Variants in MDGA2 observed in about 807,000 individuals in gnomAD.
The protein encoded by MDGA2 is MAM domain-containing glycosylphosphatidylinositol anchor protein 2.
In MDGA2, 40 loss-of-function variants were observed where a neutral mutation model predicts 117.8. That is an observed-to-expected ratio of 0.34 (90% CI 0.26 to 0.44). The LOEUF is 0.44. MDGA2 is among the 20% of genes least tolerant of loss of function. The probability of loss-of-function intolerance (pLI) is 1.00; values close to 1 mark genes in which losing one functional copy is unlikely to be tolerated. For missense variants in MDGA2, 1,123 were observed against 1,250.6 expected, an observed-to-expected ratio of 0.90 and a Z score of 1.54; for synonymous variants, 452 against 439.0, an observed-to-expected ratio of 1.03 and a Z score of -0.37.
intron 15 of MDGA2, among the ~76,000 whole-genome samples, chr14:46,853,617 G>C (rs1881148438): frequency 6.6e-6 from 1 of 150,392 alleles, no homozygotes; most frequent in Non-Finnish European, 1.5e-5. Flanking sequence ...TATCTGAAAA[G>C]TTCTAAAAAA....
chr14:46,900,082 G>A (rs991603144), intron 10 of MDGA2, among the ~76,000 whole-genome samples: 1 of 151,982 alleles, frequency 6.6e-6, no homozygotes, highest in African/African-American at 2.4e-5. Context: ...ACATTTCTCT[G>A]AAGAAGATAT....
intron 1 of MDGA2, among the ~76,000 whole-genome samples, chr14:47,527,804 C>T (rs778883107): frequency 1.3e-5 from 2 of 151,984 alleles, no homozygotes; most frequent in East Asian, 1.9e-4. Context: ...AGAGGTTAAG[C>T]GGAAATGAGA....
chr14:47,172,140 C>A (rs1370250916), intron 3 of MDGA2, among the ~76,000 whole-genome samples: 2 of 152,286 alleles, frequency 1.3e-5, no homozygotes, highest in African/African-American at 4.8e-5. Context: ...ACAAAGCAGC[C>A]AGGAAGCTCC....
intron 8 of MDGA2, among the ~76,000 whole-genome samples, chr14:46,986,147 G>GT (rs11419291): frequency 0.039 from 5,896 of 152,048 alleles, 381 homozygotes; most frequent in African/African-American, 0.14. Flanking sequence ...ACAGACCACT[G>GT]TTTTTTTGCT....
chr14:47,097,349 G>C (rs1021618870), intron 5 of MDGA2, among the ~76,000 whole-genome samples: 1 of 151,812 alleles, frequency 6.6e-6, no homozygotes, highest in African/African-American at 2.4e-5. Context: ...CATAGAAAGG[G>C]GAAATAAAAT....
chr14:47,618,409 C>T (rs1896986271), intron 1 of MDGA2, among the ~76,000 whole-genome samples: 1 of 152,128 alleles, frequency 6.6e-6, no homozygotes, highest in Admixed American at 6.5e-5. Context: ...TTATCAAAAG[C>T]CTACCTGTCC....
At chr14:46,956,201 T>A (rs1381705660) in intron 9 of MDGA2, among the ~76,000 whole-genome samples, 1 of 152,134 alleles carries the variant, frequency 6.6e-6, no homozygotes, top group Non-Finnish European at 1.5e-5. Context: ...TTTTATGACT[T>A]CTTTTTAGAT....
At chr14:47,352,349 A>G (rs1281950255) in intron 1 of MDGA2, among the ~76,000 whole-genome samples, 1 of 152,118 alleles carries the variant, frequency 6.6e-6, no homozygotes, top group East Asian at 1.9e-4. Flanking sequence ...CTTCCACAAA[A>G]TAACAACTGC....
chr14:47,133,186 C>G (rs1053046482), intron 4 of MDGA2, among the ~76,000 whole-genome samples: 6 of 150,994 alleles, frequency 4.0e-5, no homozygotes, highest in African/African-American at 7.3e-5. Flanking sequence ...TTTTAACTTA[C>G]AAGAAAATAT....
At chr14:47,448,337 A>C (rs776736203) in intron 1 of MDGA2, among the ~76,000 whole-genome samples, 3 of 151,774 alleles carry the variant, frequency 2.0e-5, no homozygotes, top group Non-Finnish European at 4.4e-5. Flanking sequence ...CAGGGTTTTC[A>C]TCATGTTGGC....
intron 1 of MDGA2, among the ~76,000 whole-genome samples, chr14:47,484,803 A>C (rs924023607): frequency 6.6e-6 from 1 of 152,150 alleles, no homozygotes; most frequent in Non-Finnish European, 1.5e-5. Flanking sequence ...GTTTCTCTGC[A>C]TAAGTTCTCT....
chr14:46,866,984 C>T (rs952313502), intron 14 of MDGA2, among the ~76,000 whole-genome samples: 20 of 151,958 alleles, frequency 1.3e-4, no homozygotes, highest in Admixed American at 2.6e-4. Context: ...GTCAGTGTGG[C>T]GATTCCTCAG....
Position 47,455,703 on chromosome 14 carries a change from G to A in MDGA2, c.281-154153C>T, listed in dbSNP as rs545936564. On this transcript the variant is annotated intron_variant, in intron 1 of 16. Transcript: ENST00000399232. ...TGTAAATTGAAGGTTAAATATTAGAGTATGAGTGAGAGGCTGCGTGCAATG... is the reference window on the plus strand; with the variant it reads ...TGTAAATTGAAGGTTAAATATTAGAATATGAGTGAGAGGCTGCGTGCAATG... 3.3e-5 allele frequency among the ~76,000 whole-genome samples: 5 copies of A among 152,080 alleles called. No homozygotes were observed. The East Asian group carries it at 9.7e-4, about 30-fold the overall frequency.
At chr14:47,396,978 C>A (rs1892025687) in intron 1 of MDGA2, among the ~76,000 whole-genome samples, 1 of 152,168 alleles carries the variant, frequency 6.6e-6, no homozygotes, top group Non-Finnish European at 1.5e-5. Flanking sequence ...AATCCCATTA[C>A]TGGGTATATC....
chr14:47,357,829 C>T (rs1891029754), intron 1 of MDGA2, among the ~76,000 whole-genome samples: 1 of 152,166 alleles, frequency 6.6e-6, no homozygotes, highest in African/African-American at 2.4e-5. Context: ...CCAAAACTTA[C>T]TTGAACTCAG....
chr14:47,531,270 C>A (rs551157669), intron 1 of MDGA2, among the ~76,000 whole-genome samples: 1 of 152,138 alleles, frequency 6.6e-6, no homozygotes, highest in East Asian at 1.9e-4. Flanking sequence ...ACAAAAACCA[C>A]CTAATTAACA....
At chr14:47,272,245 A>G (rs544292342) in intron 2 of MDGA2, among the ~76,000 whole-genome samples, 1 of 152,264 alleles carries the variant, frequency 6.6e-6, no homozygotes, top group East Asian at 1.9e-4. Context: ...TGCCTCACTT[A>G]CCATCACACA....
chr14:46,874,074 G>C lies in MDGA2; in HGVS notation c.2564C>G (p.Pro855Arg). The change falls in exon 13 of 17, where the codon CCT becomes CGT. Residue 855 changes from proline to arginine, a missense_variant. Pro to Arg is a moderately radical substitution (Grantham distance 103, BLOSUM62 -2). Transcript: ENST00000399232. ...RNTKYTPNTG[P>R]NADRSGSKEG... ...TTTGGAGCCACTACGGTCAGCATTA[G>C]GTCCTGTATTAGGAGTATATTTTGT... 1 of 1,554,698 alleles carries C rather than the reference G, an allele frequency of 6.4e-7. No homozygotes were observed. Among genetic ancestry groups the C allele is most frequent in the Non-Finnish European group, 8.7e-7 (1 of 1,155,164 alleles).
At chr14:46,842,131 G>T in intron 16 of MDGA2, 112 bp from the exon 17 acceptor site, 1 of 609,404 alleles carries the variant, frequency 1.6e-6, no homozygotes, top group South Asian at 2.6e-5. Flanking sequence ...AAATATTTCT[G>T]GAAAATATTT....
Sources: gnomAD v4.1 joint callset for allele counts (sites outside exome capture counted in the v4.1 genomes callset) on GRCh38, gnomAD v4.1.1 for gene constraint, MANE v1.5 for transcripts, NCBI Gene and HGNC (gene_info 2026-07-23, HGNC 2026-07-21) for gene names.